PDE4D: variants seen among roughly 807,000 people sequenced by gnomAD.
PDE4D encodes the protein phosphodiesterase 4D, also known as 3',5'-cyclic-AMP phosphodiesterase 4D.
A neutral mutation model predicts 87.4 loss-of-function variants in PDE4D; 24 were observed. The observed-to-expected ratio is 0.27, with a 90% confidence interval of 0.20 to 0.39. PDE4D has a LOEUF of 0.39. PDE4D is among the 10% of genes least tolerant of loss of function. The pLI, the probability that PDE4D is intolerant of heterozygous loss-of-function variation, is 1.00. For missense variants in PDE4D, 714 were observed against 1,041.0 expected (o/e 0.69, Z 4.32); for synonymous variants, 384 against 383.2 (o/e 1.00, Z -0.02).
rs1308126812 is a variant in PDE4D at position 59,585,435 on chromosome 5, CA to C, written c.455+307732del. 6.6e-5 allele frequency among the ~76,000 whole-genome samples: 10 copies of C among 152,284 alleles called. No individual in the cohort carries two copies. In the East Asian group the frequency reaches 1.7e-3, roughly 26 times the overall value. On this transcript the variant is annotated intron_variant, in intron 1 of 14. Coordinates refer to ENST00000340635, the MANE Select transcript of PDE4D (RefSeq NM_001104631.2). Reference sequence around the variant, plus strand: ...AACATTTACCTGAAAGATATACTTTCAAAATCAGACAAACTGCATTTCCAAA... The same window carrying C: ...AACATTTACCTGAAAGATATACTTTCAAATCAGACAAACTGCATTTCCAAA...
At chr5:60,460,185 C>A in intron 1 of PDE4D, 1 of 1,555,860 alleles carries the variant, frequency 6.4e-7, no homozygotes, top group Non-Finnish European at 8.8e-7. Flanking sequence ...TCATCAAATC[C>A]TTTCCAGATG....
intron 1 of PDE4D, among the ~76,000 whole-genome samples, chr5:60,398,511 G>A (rs1418383069): frequency 6.6e-6 from 1 of 152,138 alleles, no homozygotes; most frequent in African/African-American, 2.4e-5. Flanking sequence ...GAGTTCTCAA[G>A]AGAGTTACTG....
intron 1 of PDE4D, among the ~76,000 whole-genome samples, chr5:59,437,048 A>T (rs1796894080): frequency 6.6e-6 from 1 of 152,216 alleles, no homozygotes; most frequent in Admixed American, 6.5e-5. Flanking sequence ...CCCATCCAAC[A>T]AAAGCCCTTA....
intron 1 of PDE4D, among the ~76,000 whole-genome samples, chr5:60,359,866 T>C (rs576393098): frequency 6.6e-6 from 1 of 152,322 alleles, no homozygotes; most frequent in East Asian, 1.9e-4. Flanking sequence ...TTCTCCCATG[T>C]TTCTAGTGCC....
intron 2 of PDE4D, among the ~76,000 whole-genome samples, chr5:60,051,836 C>T (rs919571850): frequency 1.3e-5 from 2 of 151,432 alleles, no homozygotes; most frequent in African/African-American, 2.4e-5. Context: ...CAAATAGACA[C>T]AATAAAAAAT....
At chr5:59,109,457 A>G (rs577613319) in intron 5 of PDE4D, among the ~76,000 whole-genome samples, 1 of 152,332 alleles carries the variant, frequency 6.6e-6, no homozygotes, top group African/African-American at 2.4e-5. Context: ...CATGGATGCC[A>G]AGTTAAGGAA....
intron 1 of PDE4D, among the ~76,000 whole-genome samples, chr5:59,396,978 G>A (rs1789544086): frequency 8.3e-6 from 1 of 120,312 alleles, no homozygotes; most frequent in African/African-American, 3.3e-5. Flanking sequence ...GATCAAAAGA[G>A]ACAAAGAAGG....
At chr5:59,520,577 T>C (rs1412488467) in intron 1 of PDE4D, among the ~76,000 whole-genome samples, 2 of 151,986 alleles carry the variant, frequency 1.3e-5, no homozygotes, top group African/African-American at 2.4e-5. Flanking sequence ...AGAATGGATT[T>C]CACGTGAAAG....
At chr5:59,421,089 T>C (rs1031222121) in intron 1 of PDE4D, among the ~76,000 whole-genome samples, 3 of 152,198 alleles carry the variant, frequency 2.0e-5, no homozygotes, top group African/African-American at 7.2e-5. Context: ...AACTGAAGTT[T>C]ATACATTTTG....
At chr5:59,085,666 C>T (rs1767544316) in intron 5 of PDE4D, among the ~76,000 whole-genome samples, 1 of 152,144 alleles carries the variant, frequency 6.6e-6, no homozygotes, top group African/African-American at 2.4e-5. Context: ...TGCGGATACC[C>T]TGGAGATGTA....
chr5:59,387,963 A>G (rs1221511739), intron 1 of PDE4D, among the ~76,000 whole-genome samples: 2 of 152,038 alleles, frequency 1.3e-5, no homozygotes, highest in Non-Finnish European at 2.9e-5. Flanking sequence ...CCCACCCATC[A>G]GCCCTGGTTA....
chr5:58,981,848 A>T (rs1745242069), intron 11 of PDE4D, among the ~76,000 whole-genome samples: 1 of 152,188 alleles, frequency 6.6e-6, no homozygotes, highest in South Asian at 2.1e-4. Flanking sequence ...GGTTAATACT[A>T]AGGGATGCCC....
At chr5:60,337,411 A>G (rs1259665739) in intron 1 of PDE4D, among the ~76,000 whole-genome samples, 2 of 142,952 alleles carry the variant, frequency 1.4e-5, no homozygotes, top group African/African-American at 5.1e-5. Flanking sequence ...ACACACATAT[A>G]TCAATTCATA....
chr5:59,187,766 G>A (rs1228153003), intron 3 of PDE4D, among the ~76,000 whole-genome samples: 3 of 152,068 alleles, frequency 2.0e-5, no homozygotes, highest in Non-Finnish European at 4.4e-5. Context: ...TTTATTGTGT[G>A]TGTGTGGGTT....
chr5:59,412,446 A>G (rs1792848423), intron 1 of PDE4D, among the ~76,000 whole-genome samples: 1 of 152,164 alleles, frequency 6.6e-6, no homozygotes. Flanking sequence ...GCTTAGGGCA[A>G]GTTGGGAGCA....
intron 2 of PDE4D, among the ~76,000 whole-genome samples, chr5:60,161,888 T>C (rs1187485135): frequency 1.3e-5 from 2 of 152,134 alleles, no homozygotes; most frequent in Admixed American, 6.6e-5. Flanking sequence ...AAAACTGAGA[T>C]GCAATGAGGT....
chr5:60,092,630 G>A (rs1391456919), intron 2 of PDE4D, among the ~76,000 whole-genome samples: 2 of 149,688 alleles, frequency 1.3e-5, no homozygotes, highest in Admixed American at 6.6e-5. Context: ...ACTTCTGCAC[G>A]CTAAAAAAAA....
chr5:59,787,401 T>C (rs937703529), intron 1 of PDE4D, among the ~76,000 whole-genome samples: 1 of 152,226 alleles, frequency 6.6e-6, no homozygotes, highest in African/African-American at 2.4e-5. Context: ...GCTGATTCAA[T>C]GTCACTTGCT....
chr5:59,969,609 T>C (rs1277269228), intron 3 of PDE4D, among the ~76,000 whole-genome samples: 2 of 152,194 alleles, frequency 1.3e-5, no homozygotes, highest in Non-Finnish European at 2.9e-5. Flanking sequence ...TTTTGAATTG[T>C]AGTTCTCATA....
Sources: allele counts gnomAD v4.1 joint callset (sites outside exome capture counted in the v4.1 genomes callset), GRCh38; gene constraint gnomAD v4.1.1; transcripts MANE v1.5; gene names NCBI Gene and HGNC (gene_info 2026-07-23, HGNC 2026-07-21).